ARL6IP6: variants seen among roughly 807,000 people sequenced by gnomAD.
ARL6IP6 encodes ADP-ribosylation factor-like protein 6-interacting protein 6.
A neutral mutation model predicts 21.5 loss-of-function variants in ARL6IP6; 22 were observed. That is an observed-to-expected ratio of 1.02 (90% CI 0.73 to 1.46). ARL6IP6 has a LOEUF of 1.46. ARL6IP6 is among the 40% of genes most tolerant of loss of function. ARL6IP6 has a pLI of 0.00. For missense variants in ARL6IP6, 388 were observed against 299.8 expected, an observed-to-expected ratio of 1.29 and a Z score of -2.17; for synonymous variants, 164 against 125.3, an observed-to-expected ratio of 1.31 and a Z score of -2.06.
chr2:152,756,502 T>A (rs1265419524), intron 3 of ARL6IP6, among the ~76,000 whole-genome samples: 1 of 152,096 alleles, frequency 6.6e-6, no homozygotes, highest in East Asian at 1.9e-4. Context: ...CTTCTGTTCA[T>A]CAAAAGATCT....
intron 3 of ARL6IP6, among the ~76,000 whole-genome samples, chr2:152,742,570 TAAAA>T (rs71396304): frequency 5.2e-5 from 6 of 115,992 alleles, no homozygotes; most frequent in African/African-American, 1.3e-4. Context: ...ATACGCTCTT[TAAAA>T]AAAAAAAAAA....
rs137964025 is a variant in ARL6IP6, at chr2:152,731,004, C to T, written c.455-3990C>T. ...AAATCTTTCTCACTTGTCGATAAGC[C>T]CCTCACTCTCTCCCTGTTCCACACA... On this transcript the variant is annotated intron_variant, in intron 2 of 3. Transcript: ENST00000326446. 5.8e-3 allele frequency among the ~76,000 whole-genome samples: 890 copies of T among 152,188 alleles called. 6 individuals are homozygous for T. The highest frequency in any genetic ancestry group is 0.021 in the African/African-American group (851 of 41,512).
At chr2:152,737,563 A>G (rs375478143) in intron 3 of ARL6IP6, among the ~76,000 whole-genome samples, 5 of 152,170 alleles carry the variant, frequency 3.3e-5, no homozygotes, top group South Asian at 2.1e-4. Flanking sequence ...ACAGTTCCAC[A>G]TGGCTGGGGA....
intron 2 of ARL6IP6, among the ~76,000 whole-genome samples, chr2:152,725,635 T>A (rs1268696531): frequency 2.0e-5 from 3 of 151,698 alleles, no homozygotes; most frequent in Non-Finnish European, 4.4e-5. Context: ...ACATTGTGTT[T>A]TAATGACGCA....
At chr2:152,758,146 T>C (rs1364690530) in intron 3 of ARL6IP6, among the ~76,000 whole-genome samples, 1 of 152,194 alleles carries the variant, frequency 6.6e-6, no homozygotes, top group East Asian at 1.9e-4. Flanking sequence ...AGTATTTGCA[T>C]ATAACCTAAG....
At chr2:152,726,134 T>C (rs1182610496) in intron 2 of ARL6IP6, among the ~76,000 whole-genome samples, 1 of 150,476 alleles carries the variant, frequency 6.6e-6, no homozygotes, top group Non-Finnish European at 1.5e-5. Flanking sequence ...TGATCTGTAA[T>C]AAAAGTGTTG....
chr2:152,720,530 C>T lies in ARL6IP6; in HGVS notation c.401-3C>T. On this transcript the variant is annotated splice_region_variant and splice_polypyrimidine_tract_variant and intron_variant, in intron 1 of 3. Transcript: ENST00000326446. ...CTACCTAAGTCCCTCTTTGTATTTG[C>T]AGAGTTGCATGCTGAGAATTTGAAA... 1.2e-6 allele frequency: 2 copies of T among 1,613,388 alleles called. No homozygotes were observed. The highest frequency in any genetic ancestry group is 1.7e-6 in the Non-Finnish European group (2 of 1,179,364).
chr2:152,727,553 C>G (rs1700101846), intron 2 of ARL6IP6, among the ~76,000 whole-genome samples: 1 of 152,200 alleles, frequency 6.6e-6, no homozygotes, highest in Non-Finnish European at 1.5e-5. Flanking sequence ...CAGAGCAACT[C>G]TTTGTCCTGT....
rs1701634698 is a variant in ARL6IP6, at chr2:152,757,256, G to C, written c.588-2491G>C. Among the ~76,000 whole-genome samples, 3 of 152,142 alleles carry C rather than the reference G, an allele frequency of 2.0e-5. No homozygotes were observed. The South Asian group carries it at 6.2e-4, about 31-fold the overall frequency. ...GGAGGTAAGTTGAATATTTAAAAGG[G>C]ATCTTTTTGCAGTGCCAGAAATGTT... On this transcript the variant is annotated intron_variant, in intron 3 of 3. Coordinates refer to ENST00000326446, the MANE Select transcript of ARL6IP6 (RefSeq NM_152522.7).
At position 152,760,481 on chromosome 2, in the gene ARL6IP6, T is replaced by G. The variant is rs1445143868; in HGVS notation, c.*641T>G. 1 of 152,032 alleles carries G rather than the reference T, an allele frequency of 6.6e-6. No homozygotes were observed. Among genetic ancestry groups the G allele is most frequent in the African/African-American group, 2.4e-5 (1 of 41,432 alleles). The allele number at this position is 152,032 out of a possible 1,614,324, so 9.4% of individuals were successfully genotyped here. ...TGTTACATCTAGACAACTGTAAACA[T>G]TATTTTTTTAGCTAGTGCAAACCTA... On this transcript the variant is annotated 3_prime_UTR_variant, in exon 4 of 4. Coordinates refer to ENST00000326446, the MANE Select transcript of ARL6IP6 (RefSeq NM_152522.7).
chr2:152,742,733 C>G (rs1404151292), intron 3 of ARL6IP6, among the ~76,000 whole-genome samples: 2 of 151,998 alleles, frequency 1.3e-5, no homozygotes, highest in East Asian at 3.9e-4. Flanking sequence ...AGCTAATATT[C>G]TAGGATTTCT....
At chr2:152,752,168 A>T (rs989806779) in intron 3 of ARL6IP6, among the ~76,000 whole-genome samples, 1 of 152,184 alleles carries the variant, frequency 6.6e-6, no homozygotes, top group Non-Finnish European at 1.5e-5. Flanking sequence ...TAAAAATTAC[A>T]TATTCTCTAT....
intron 3 of ARL6IP6, among the ~76,000 whole-genome samples, chr2:152,740,317 C>T (rs72858738): frequency 1.1e-4 from 16 of 152,012 alleles, no homozygotes; most frequent in Non-Finnish European, 2.2e-4. Flanking sequence ...CAGGCTGGTC[C>T]CAAAACCCTG....
At chr2:152,738,815 C>T (rs879371020) in intron 3 of ARL6IP6, among the ~76,000 whole-genome samples, 1 of 152,070 alleles carries the variant, frequency 6.6e-6, no homozygotes, top group Non-Finnish European at 1.5e-5. Flanking sequence ...TTTGGCTCCT[C>T]ATTATTTCTG....
intron 3 of ARL6IP6, among the ~76,000 whole-genome samples, chr2:152,754,592 G>A (rs1701491742): frequency 1.3e-5 from 2 of 152,160 alleles, no homozygotes; most frequent in Non-Finnish European, 2.9e-5. Flanking sequence ...GAGTGGAATT[G>A]TTGGGTCATA....
chr2:152,725,366 A>G (rs1023602164), intron 2 of ARL6IP6, among the ~76,000 whole-genome samples: 1 of 152,170 alleles, frequency 6.6e-6, no homozygotes, highest in African/African-American at 2.4e-5. Context: ...AGACTTTCCT[A>G]AGACTTTAAG....
intron 2 of ARL6IP6, among the ~76,000 whole-genome samples, chr2:152,723,800 T>TAA (rs55946135): frequency 1.4e-4 from 21 of 151,860 alleles, no homozygotes; most frequent in African/African-American, 2.2e-4. Context: ...TTAGAAGTGT[T>TAA]AAAAAAAGTC....
intron 3 of ARL6IP6, among the ~76,000 whole-genome samples, chr2:152,749,034 T>C (rs181382137): frequency 1.3e-5 from 2 of 152,334 alleles, no homozygotes; most frequent in Admixed American, 6.5e-5. Flanking sequence ...CTTCAAAATA[T>C]AAGAATGTAG....
Position 152,741,872 on chromosome 2 carries a change from C to G in ARL6IP6, c.587+6746C>G, listed in dbSNP as rs150287500. Reference sequence around the variant, plus strand: ...TAAACTTGTCAATTAGTAAGCTATCCTTTTCTTTGTGTATTTAATCCAGTA... The same window carrying G: ...TAAACTTGTCAATTAGTAAGCTATCGTTTTCTTTGTGTATTTAATCCAGTA... On this transcript the variant is annotated intron_variant, in intron 3 of 3. Coordinates refer to ENST00000326446, the MANE Select transcript of ARL6IP6 (RefSeq NM_152522.7). Among the ~76,000 whole-genome samples, 1,334 of 152,234 alleles carry G rather than the reference C, an allele frequency of 8.8e-3. 8 individuals are homozygous for G. The highest frequency in any genetic ancestry group is 0.013 in the Non-Finnish European group (897 of 68,004).
Sources: gnomAD v4.1 joint callset for allele counts (sites outside exome capture counted in the v4.1 genomes callset) on GRCh38, gnomAD v4.1.1 for gene constraint, MANE v1.5 for transcripts, NCBI Gene and HGNC (gene_info 2026-07-23, HGNC 2026-07-21) for gene names.